Variants in DOCK8 observed in about 807,000 individuals in gnomAD.
DOCK8 encodes dedicator of cytokinesis protein 8.
A neutral mutation model predicts 245.6 loss-of-function variants in DOCK8; 141 were observed. The ratio of observed to expected loss-of-function variants is 0.57; its 90% CI spans 0.50 to 0.66. The LOEUF (loss-of-function observed/expected upper bound fraction) is 0.66, where lower values mean the gene tolerates loss of function less well. Among genes scored for constraint, DOCK8 ranks in the 30% least tolerant of loss-of-function variants. The pLI, the probability that DOCK8 is intolerant of heterozygous loss-of-function variation, is 0.00. For missense variants in DOCK8, 2,965 were observed against 2,603.4 expected, an observed-to-expected ratio of 1.14 and a Z score of -3.02; for synonymous variants, 1,168 against 970.2, an observed-to-expected ratio of 1.20 and a Z score of -3.79.
chr9:272,934 T>A (rs1370124338), intron 2 of DOCK8: 1 of 585,526 alleles, frequency 1.7e-6, no homozygotes, highest in East Asian at 1.4e-4. Flanking sequence ...GCACTCTTGC[T>A]GGTTCTGCTG....
At chr9:265,056 C>T (rs1195111991) in intron 1 of DOCK8, among the ~76,000 whole-genome samples, 1 of 152,100 alleles carries the variant, frequency 6.6e-6, no homozygotes, top group South Asian at 2.1e-4. Context: ...CTCAACCTCC[C>T]GAGTAGCTGG....
intron 2 of DOCK8, among the ~76,000 whole-genome samples, chr9:273,520 T>C (rs1049805927): frequency 6.6e-6 from 1 of 152,218 alleles, no homozygotes; most frequent in Non-Finnish European, 1.5e-5. Flanking sequence ...CACTTTTAAA[T>C]TTTAAACAAG....
chr9:433,828 C>T (rs1458728960), intron 37 of DOCK8, 47 bp from the exon 38 acceptor site: 23 of 1,469,092 alleles, frequency 1.6e-5, no homozygotes, highest in Non-Finnish European at 2.2e-5. Flanking sequence ...AACTCTTCAC[C>T]TGGGACTACA....
intron 7 of DOCK8, among the ~76,000 whole-genome samples, chr9:319,469 T>C (rs979999324): frequency 1.3e-5 from 2 of 152,188 alleles, no homozygotes; most frequent in East Asian, 1.9e-4. Context: ...AGAGAAGAGA[T>C]AGACCAAAAA....
chr9:410,590 T>C (rs1335000775), intron 28 of DOCK8, among the ~76,000 whole-genome samples: 1 of 152,242 alleles, frequency 6.6e-6, no homozygotes, highest in East Asian at 1.9e-4. Context: ...TTTATTTTAA[T>C]ATACTGCTCT....
At chr9:244,556 G>C (rs1167634680) in intron 1 of DOCK8, among the ~76,000 whole-genome samples, 1 of 151,944 alleles carries the variant, frequency 6.6e-6, no homozygotes, top group African/African-American at 2.4e-5. Context: ...ACCTGCCCCT[G>C]GTGTTCTGTA....
Position 425,902 on chromosome 9 carries a change from ATTTT to A in DOCK8, c.4242-980_4242-977del, listed in dbSNP as rs2056482423. ...ACAAGTAAAACACACAGAAGTACTT[ATTTT>A]TTGAGTCCTCAGTGGTATGTAAGCA... On this transcript the variant is annotated intron_variant, in intron 33 of 47. Coordinates refer to ENST00000432829, the MANE Select transcript of DOCK8 (RefSeq NM_203447.4). Among the ~76,000 whole-genome samples, 3 of 152,238 alleles carry A rather than the reference ATTTT, an allele frequency of 2.0e-5. No homozygotes were observed. In the South Asian group the frequency reaches 6.2e-4, roughly 32 times the overall value.
intron 28 of DOCK8, among the ~76,000 whole-genome samples, chr9:412,709 A>G (rs564214530): frequency 6.6e-6 from 1 of 152,316 alleles, no homozygotes; most frequent in African/African-American, 2.4e-5. Context: ...GTAACAAAAG[A>G]AACACAAGAG....
chr9:281,080 C>T (rs1015110554), intron 2 of DOCK8, among the ~76,000 whole-genome samples: 1 of 152,088 alleles, frequency 6.6e-6, no homozygotes, highest in South Asian at 2.1e-4. Context: ...GTAGTGGAAC[C>T]CCGTCTCCAC....
chr9:254,477 T>C (rs2047723346), intron 1 of DOCK8, among the ~76,000 whole-genome samples: 1 of 152,224 alleles, frequency 6.6e-6, no homozygotes, highest in African/African-American at 2.4e-5. Flanking sequence ...TTATTTTTCC[T>C]GTGAAAATCC....
chr9:312,440 A>C, intron 6 of DOCK8: 1 of 570,560 alleles, frequency 1.8e-6, no homozygotes, highest in Non-Finnish European at 3.3e-6. Context: ...TTTAATCCCC[A>C]AATGTTTCAA....
intron 1 of DOCK8, chr9:215,356 C>T (rs764373053): frequency 6.3e-7 from 1 of 1,598,538 alleles, no homozygotes. Context: ...GGGTGATAGG[C>T]GCCTGGGTAA....
At chr9:336,883 T>G (rs1586734763) in intron 12 of DOCK8, among the ~76,000 whole-genome samples, 165 bp downstream of exon 12, 1 of 152,168 alleles carries the variant, frequency 6.6e-6, no homozygotes, top group East Asian at 1.9e-4. Flanking sequence ...CTGGGTAATT[T>G]AAAAAGAAAA....
intron 14 of DOCK8, among the ~76,000 whole-genome samples, chr9:365,349 A>T (rs564410425): frequency 9.9e-5 from 15 of 152,198 alleles, no homozygotes; most frequent in Non-Finnish European, 1.9e-4. Context: ...TGTGGAGGAA[A>T]TAATTATCAT....
chr9:222,637 GT>G lies in DOCK8; in HGVS notation c.53+7609del, dbSNP rs531517838. On this transcript the variant is annotated intron_variant, in intron 1 of 47. Transcript: ENST00000432829. ...CCTAGGTCAGAGAGTGAACTCTGAA[GT>G]CATTCTTTAGGGATTAAAATAGTCA... Among the ~76,000 whole-genome samples the G allele has an allele frequency of 3.3e-5, 5 of 152,296 alleles. No individual in the cohort carries two copies. The South Asian group carries it at 1.0e-3, about 32-fold the overall frequency.
At position 400,082 on chromosome 9, in the gene DOCK8, C is replaced by G. The variant is rs1480785082; in HGVS notation, c.3234+823C>G. The stretch of plus-strand genomic sequence containing the variant: ...ACCTCCTTCACCATCACCATCACCA[C>G]CACCTCCACCATCACCACCACCACC... On this transcript the variant is annotated intron_variant, in intron 26 of 47. Transcript: ENST00000432829. Among the ~76,000 whole-genome samples, 924 of 118,036 alleles carry G rather than the reference C, an allele frequency of 7.8e-3. 3 individuals are homozygous for G. The highest frequency in any genetic ancestry group is 0.011 in the Non-Finnish European group (678 of 59,478). 77.4% of individuals were successfully genotyped at this position (118,036 alleles called of 152,430 possible). A position where few individuals can be genotyped will look rare whatever the true frequency, so the allele number is the denominator to read the frequency against.
intron 22 of DOCK8, among the ~76,000 whole-genome samples, chr9:383,227 C>A (rs139261754): frequency 4.6e-5 from 7 of 152,060 alleles, no homozygotes; most frequent in African/African-American, 1.7e-4. Flanking sequence ...TGGTGAAACC[C>A]TGTCTCTACT....
At chr9:215,058 G>T in intron 1 of DOCK8, 29 bp downstream of exon 1, 3 of 1,553,720 alleles carry the variant, frequency 1.9e-6, no homozygotes, top group South Asian at 1.2e-5. Flanking sequence ...CGCGCAGGTT[G>T]CGGCCGGACA....
intron 1 of DOCK8, among the ~76,000 whole-genome samples, chr9:221,211 A>G (rs949254287): frequency 1.3e-5 from 2 of 152,200 alleles, no homozygotes; most frequent in African/African-American, 4.8e-5. Flanking sequence ...GTCCCACTGC[A>G]TTATGATTAA....
Sources: gnomAD v4.1 joint callset for allele counts (sites outside exome capture counted in the v4.1 genomes callset) on GRCh38, gnomAD v4.1.1 for gene constraint, MANE v1.5 for transcripts, NCBI Gene and HGNC (gene_info 2026-07-23, HGNC 2026-07-21) for gene names.